RANBP2: variants seen among roughly 807,000 people sequenced by gnomAD.
The protein encoded by RANBP2 is RAN binding protein 2, also known as E3 SUMO-protein ligase RanBP2.
RANBP2 carries 57 observed loss-of-function variants against 303.6 expected under a neutral mutation model. The observed-to-expected ratio is 0.19, with a 90% CI of 0.15 to 0.23. RANBP2 has a LOEUF of 0.23. Among genes scored for constraint, RANBP2 ranks in the 10% least tolerant of loss-of-function variants. RANBP2 has a pLI of 1.00. For missense variants in RANBP2, 3,138 were observed against 3,780.8 expected (o/e 0.83, Z 4.46); for synonymous variants, 1,167 against 1,301.5 (o/e 0.90, Z 2.23).
Position 108,771,807 on chromosome 2 carries a change from A to G in RANBP2, c.7956A>G (p.Lys2652=). ...AEQKALATKL[K]LPPTFFCYKN... is the part of the protein sequence containing the mutation. ...AGAAAGCCCTTGCAACCAAACTTAA[A>G]CTTCCTCCAACTTTCTTCTGCTACA... The change falls in exon 21 of 29, where the codon AAA becomes AAG. Residue 2652 remains lysine (K), a synonymous_variant. Coordinates refer to ENST00000283195, the MANE Select transcript of RANBP2 (RefSeq NM_006267.5). 3 of 1,613,996 alleles carry G rather than the reference A, an allele frequency of 1.9e-6. No homozygotes were observed. Among genetic ancestry groups the G allele is most frequent in the Admixed American group, 1.7e-5 (1 of 60,010 alleles).
chr2:109,405,592 A>G, the RANBP2 span, among the ~76,000 whole-genome samples: 1,465 of 152,282 alleles, frequency 9.6e-3, 27 homozygotes, highest in African/African-American at 0.034. Context: ...GCCCCTCAGC[A>G]TGGCATTCTA....
At chr2:109,574,863 T>C in the RANBP2 span, 1 of 800,694 alleles carries the variant, frequency 1.2e-6, no homozygotes, top group Non-Finnish European at 1.8e-6. Flanking sequence ...TTTTCACTAA[T>C]TAATAAACAG....
chr2:108,931,872 T>A, the RANBP2 span, among the ~76,000 whole-genome samples: 4 of 152,118 alleles, frequency 2.6e-5, no homozygotes, highest in Admixed American at 2.6e-4. Context: ...AATTCCCCAG[T>A]GGCTGCACTC....
the RANBP2 span, among the ~76,000 whole-genome samples, chr2:109,703,502 C>T: frequency 6.6e-6 from 1 of 152,232 alleles, no homozygotes; most frequent in Non-Finnish European, 1.5e-5. Context: ...TATCTCGGCT[C>T]ACTGCAACCT....
chr2:109,303,123 G>A, the RANBP2 span, among the ~76,000 whole-genome samples: 258 of 152,244 alleles, frequency 1.7e-3, no homozygotes, highest in African/African-American at 5.6e-3. Context: ...TGATCCGTCC[G>A]CCTCAGCCTC....
rs1356116110 is a variant in RANBP2 at position 108,777,157 on chromosome 2, T to C, written c.8525T>C (p.Phe2842Ser). 2 of 1,613,562 alleles carry C rather than the reference T, an allele frequency of 1.2e-6. No individual in the cohort carries two copies. The highest frequency in any genetic ancestry group is 4.5e-5 in the East Asian group (2 of 44,822). Residue 2842 changes from phenylalanine (F) to serine (S), a missense_variant, in exon 25 of 29, where the codon TTT becomes TCT. Physicochemically the swap from Phe to Ser is radical, Grantham distance 155. Coordinates refer to ENST00000283195, the MANE Select transcript of RANBP2 (RefSeq NM_006267.5). ...GAAAGCAAGATAGTTTCATTTGGAT[T>C]TGGAAGTAGCACAGGGCTCTCATTT... is the stretch of plus-strand genomic sequence containing the variant. Reference protein sequence around the residue: ...QGESKIVSFGFGSSTGLSFAD... With the variant: ...QGESKIVSFGSGSSTGLSFAD...
At chr2:109,144,848 G>A in the RANBP2 span, among the ~76,000 whole-genome samples, 1 of 152,238 alleles carries the variant, frequency 6.6e-6, no homozygotes. Flanking sequence ...GGCAGGGGGC[G>A]GAAGGCATGG....
At chr2:108,850,748 G>T in the RANBP2 span, among the ~76,000 whole-genome samples, 8 of 152,124 alleles carry the variant, frequency 5.3e-5, no homozygotes, top group Non-Finnish European at 8.8e-5. Context: ...ACTGCGCCTG[G>T]CCAGTTGGTG....
rs61748149 is a variant in RANBP2, at chr2:108,764,982, A to C, written c.4443A>C (p.Gly1481=). The C allele has an allele frequency of 6.2e-7, 1 of 1,614,088 alleles. No homozygotes were observed. Among genetic ancestry groups the C allele is most frequent in the Admixed American group, 1.7e-5 (1 of 59,992 alleles). ...GATCTGTTTTTTCTACAAAGGAAGG[A>C]CAGTGGGATTGCAGTGCATGTTTGG... ...DFRSVFSTKE[G]QWDCSACLVQ... is the part of the protein sequence containing the mutation. The change falls in exon 20 of 29, where the codon GGA becomes GGC. Residue 1481 remains glycine (G), a synonymous_variant. Coordinates refer to ENST00000283195, the MANE Select transcript of RANBP2 (RefSeq NM_006267.5).
intron 7 of RANBP2, among the ~76,000 whole-genome samples, 159 bp downstream of exon 7, chr2:108,740,840 C>T (rs192790402): frequency 6.6e-6 from 1 of 150,530 alleles, no homozygotes; most frequent in South Asian, 2.1e-4. Context: ...TAAGCATACA[C>T]AATACTGGTG....
chr2:109,596,398 A>G, the RANBP2 span, among the ~76,000 whole-genome samples: 1 of 152,110 alleles, frequency 6.6e-6, no homozygotes, highest in Non-Finnish European at 1.5e-5. Flanking sequence ...TGGGTGGATC[A>G]TGAGGTCAGG....
the RANBP2 span, chr2:109,564,445 T>C: frequency 3.8e-6 from 6 of 1,599,342 alleles, 1 homozygote; most frequent in South Asian, 6.8e-5. Context: ...TCATAGTGCC[T>C]GGTATGGGTC....
the RANBP2 span, among the ~76,000 whole-genome samples, chr2:108,831,332 G>A: frequency 6.6e-6 from 1 of 152,152 alleles, no homozygotes; most frequent in Non-Finnish European, 1.5e-5. Context: ...CCCTACTACT[G>A]CCACCCTATG....
At chr2:109,187,899 G>T in the RANBP2 span, among the ~76,000 whole-genome samples, 1 of 152,176 alleles carries the variant, frequency 6.6e-6, no homozygotes, top group Admixed American at 6.5e-5. Context: ...TGGGTGTTAA[G>T]CCTGCCTGTG....
chr2:109,251,853 C>A, the RANBP2 span, among the ~76,000 whole-genome samples: 1 of 152,098 alleles, frequency 6.6e-6, no homozygotes, highest in African/African-American at 2.4e-5. Context: ...CTTTAAAGTA[C>A]ATAATGAGTT....
the RANBP2 span, among the ~76,000 whole-genome samples, chr2:109,449,837 C>G: frequency 9.8e-5 from 15 of 152,316 alleles, no homozygotes; most frequent in African/African-American, 3.6e-4. Context: ...TTGCCATGTG[C>G]TGGGATATTG....
the RANBP2 span, among the ~76,000 whole-genome samples, chr2:108,934,709 G>T: frequency 1.3e-5 from 2 of 152,124 alleles, no homozygotes; most frequent in African/African-American, 4.8e-5. Context: ...GTTATAACCA[G>T]CCCACTCTCG....
At chr2:109,195,162 T>C in the RANBP2 span, among the ~76,000 whole-genome samples, 15 of 152,204 alleles carry the variant, frequency 9.9e-5, no homozygotes, top group Non-Finnish European at 1.0e-4. Flanking sequence ...GACAATTTGG[T>C]TCTCTCTGAA....
the RANBP2 span, among the ~76,000 whole-genome samples, chr2:109,476,760 AGCCCTGAGGGCTGCTGGTT>A: frequency 2.6e-5 from 4 of 152,258 alleles, no homozygotes; most frequent in Admixed American, 2.0e-4. Context: ...CATAGACAGC[AGCCCTGAGGGCTGCTGGTT>A]GCCCTTTTTT....
Sources: gnomAD v4.1 joint callset for allele counts (sites outside exome capture counted in the v4.1 genomes callset) on GRCh38, gnomAD v4.1.1 for gene constraint, MANE v1.5 for transcripts, NCBI Gene and HGNC (gene_info 2026-07-23, HGNC 2026-07-21) for gene names.